SIGLEC14: variants seen among roughly 807,000 people sequenced by gnomAD.
SIGLEC14 encodes the protein sialic acid-binding Ig-like lectin 14.
Under a neutral mutation model 34.2 loss-of-function variants are expected in SIGLEC14, and 11 were observed. The ratio of observed to expected loss-of-function variants is 0.32; its 90% confidence interval spans 0.20 to 0.53. The LOEUF is 0.53. Among genes scored for constraint, SIGLEC14 ranks in the 20% least tolerant of loss-of-function variants. SIGLEC14 has a pLI of 0.95. For synonymous variants in SIGLEC14, 99 were observed against 179.7 expected, an observed-to-expected ratio of 0.55 and a Z score of 3.59; for missense variants, 264 against 439.0, an observed-to-expected ratio of 0.60 and a Z score of 3.56.
chr19:51,640,911 G>T lies in SIGLEC14; in HGVS notation c.*2444C>A, dbSNP rs1457988168. On this transcript the variant is annotated 3_prime_UTR_variant, in exon 7 of 7. Coordinates refer to ENST00000360844, the MANE Select transcript of SIGLEC14 (RefSeq NM_001098612.3). ...AATCACTTGTACCTGGGAGGCGGAG[G>T]TTGCAGTGAGCCAAGATCGCGCCAT... Among the ~76,000 whole-genome samples the T allele has an allele frequency of 7.2e-6, 1 of 138,810 alleles. No individual in the cohort carries two copies. Among genetic ancestry groups the T allele is most frequent in the African/African-American group, 2.7e-5 (1 of 36,442 alleles). 91.1% of individuals were successfully genotyped at this position (138,810 alleles called of 152,430 possible).
rs1270975213 is a variant in SIGLEC14 at position 51,643,550 on chromosome 19, T to G, written c.1135A>C (p.Ile379Leu). 4 of 1,522,260 alleles carry G rather than the reference T, an allele frequency of 2.6e-6. 1 individual carries two copies. The highest frequency in any genetic ancestry group is 3.5e-6 in the Non-Finnish European group (4 of 1,137,100). The allele number at this position is 1,522,260 out of a possible 1,614,324, so 94.3% of individuals were successfully genotyped here. A position where few individuals can be genotyped will look rare whatever the true frequency, so the allele number is the denominator to read the frequency against. The change falls in exon 6 of 7, where the codon ATC becomes CTC. Residue 379 changes from isoleucine (I) to leucine (L), a missense_variant. Physicochemically the swap from Ile to Leu is conservative, Grantham distance 5. Coordinates refer to ENST00000360844, the MANE Select transcript of SIGLEC14 (RefSeq NM_001098612.3). ...GFLLTYGLTW[I>L]YYTRCGGPQQ... ...AGTCCGGCTCACCTGGTATAGTAGA[T>G]CCAGGTGAGGCCATAGGTGAGGAGG...
Position 51,645,495 on chromosome 19 carries a change from T to G in SIGLEC14, c.736A>C (p.Arg246=). The G allele has an allele frequency of 2.0e-6, 3 of 1,532,094 alleles. No homozygotes were observed. The highest frequency in any genetic ancestry group is 2.6e-6 in the Non-Finnish European group (3 of 1,140,910). The allele number at this position is 1,532,094 out of a possible 1,614,324, so 94.9% of individuals were successfully genotyped here. Residue 246 remains arginine (R), a synonymous_variant, in exon 4 of 7, where the codon AGA becomes CGA. Coordinates refer to ENST00000360844, the MANE Select transcript of SIGLEC14 (RefSeq NM_001098612.3). ...PQNLAISIFF[R]NGTGTALRIL... The stretch of plus-strand genomic sequence containing the variant: ...TTCCTACCTGTGCCTGTGCCATTTC[T>G]GAAGAAGATGCTGATGGCGAGGTTC...
rs1287769678 is a variant in SIGLEC14 at position 51,644,895 on chromosome 19, GT to G, written c.754+581del. Among the ~76,000 whole-genome samples, 2 of 137,366 alleles carry G rather than the reference GT, an allele frequency of 1.5e-5. 1 individual carries two copies. The highest frequency in any genetic ancestry group is 5.6e-5 in the African/African-American group (2 of 35,874). 90.1% of individuals were successfully genotyped at this position (137,366 alleles called of 152,430 possible). A position where few individuals can be genotyped will look rare whatever the true frequency, so the allele number is the denominator to read the frequency against. ...CAGGAATGTGGAGGGGAAGAACTGG[GT>G]TCTGGGACAGAGCTGTGGGAGGTGG... On this transcript the variant is annotated intron_variant, in intron 4 of 6. Coordinates refer to ENST00000360844, the MANE Select transcript of SIGLEC14 (RefSeq NM_001098612.3).
Position 51,643,127 on chromosome 19 carries a change from G to C in SIGLEC14, c.*228C>G, listed in dbSNP as rs56384907. The C allele has an allele frequency of 0.016, 7,737 of 481,734 alleles. 1,569 individuals are homozygous for C. The East Asian group carries it at 0.33, about 20-fold the overall frequency. The allele number at this position is 481,734 out of a possible 1,614,324, so 29.8% of individuals were successfully genotyped here. A position where few individuals can be genotyped will look rare whatever the true frequency, so the allele number is the denominator to read the frequency against. On this transcript the variant is annotated 3_prime_UTR_variant, in exon 7 of 7. Coordinates refer to ENST00000360844, the MANE Select transcript of SIGLEC14 (RefSeq NM_001098612.3). Reference sequence around the variant, plus strand: ...CAGGGCTGGAGATGGTGGATGGAGAGGGAAGAGAAGGGCAGGTGGAGAGGG... The same window carrying C: ...CAGGGCTGGAGATGGTGGATGGAGACGGAAGAGAAGGGCAGGTGGAGAGGG...
Position 51,643,649 on chromosome 19 carries a change from C to T in SIGLEC14, c.1036G>A (p.Val346Ile), listed in dbSNP as rs776801248. The T allele has an allele frequency of 6.5e-7, 1 of 1,531,766 alleles. No homozygotes were observed. The highest frequency in any genetic ancestry group is 8.8e-7 in the Non-Finnish European group (1 of 1,140,944). The allele number at this position is 1,531,766 out of a possible 1,614,324, so 94.9% of individuals were successfully genotyped here. Reference sequence around the variant, plus strand: ...CAGGAGCCCTGCTGTTTCTCAGTTACACATATGCAGGAAGAGGAGCTTCCT... The same window carrying T: ...CAGGAGCCCTGCTGTTTCTCAGTTATACATATGCAGGAAGAGGAGCTTCCT... ...VQRSSSSCIC[V>I]TEKQQGSWPL... The change falls in exon 6 of 7, where the codon GTA (valine) becomes ATA (isoleucine). Residue 346 changes from valine to isoleucine, a missense_variant. Coordinates refer to ENST00000360844, the MANE Select transcript of SIGLEC14 (RefSeq NM_001098612.3).
At position 51,643,091 on chromosome 19, in the gene SIGLEC14, C is replaced by A; in HGVS notation, c.*264G>T. On this transcript the variant is annotated 3_prime_UTR_variant, in exon 7 of 7. Coordinates refer to ENST00000360844, the MANE Select transcript of SIGLEC14 (RefSeq NM_001098612.3). ...TAATGGGGGTATAAGACCGAAAGTA[C>A]ATTCCCTTCACAGGGCTGGAGATGG... 8.9e-6 allele frequency: 3 copies of A among 335,406 alleles called. No individual in the cohort carries two copies. Among genetic ancestry groups the A allele is most frequent in the East Asian group, 1.6e-4 (1 of 6,106 alleles). The allele number at this position is 335,406 out of a possible 1,614,324, so 20.8% of individuals were successfully genotyped here. A position where few individuals can be genotyped will look rare whatever the true frequency, so the allele number is the denominator to read the frequency against.
At position 51,641,704 on chromosome 19, in the gene SIGLEC14, T is replaced by C. The variant is rs1033775300; in HGVS notation, c.*1651A>G. ...ACTATCACAAGAAGAGAAAACCAAATACCACATGTTCTCACTTGTAAGTGG... is the reference window on the plus strand; with the variant it reads ...ACTATCACAAGAAGAGAAAACCAAACACCACATGTTCTCACTTGTAAGTGG... On this transcript the variant is annotated 3_prime_UTR_variant, in exon 7 of 7. Transcript: ENST00000360844. Among the ~76,000 whole-genome samples the C allele has an allele frequency of 7.2e-6, 1 of 139,032 alleles. No individual in the cohort carries two copies. The highest frequency in any genetic ancestry group is 1.5e-5 in the Non-Finnish European group (1 of 64,984). The allele number at this position is 139,032 out of a possible 152,430, so 91.2% of individuals were successfully genotyped here. A position where few individuals can be genotyped will look rare whatever the true frequency, so the allele number is the denominator to read the frequency against.
rs772816236 is a variant in SIGLEC14, at chr19:51,646,323, G to A, written c.355C>T (p.Arg119Cys). Residue 119 changes from arginine (R) to cysteine (C), a missense_variant, in exon 2 of 7, where the codon CGC becomes TGC. By Grantham distance (180) the Arg-to-Cys change is radical. Coordinates refer to ENST00000360844, the MANE Select transcript of SIGLEC14 (RefSeq NM_001098612.3). Reference protein sequence around the residue: ...RMEDTGSYFFRVERGRDVKYS... With the variant: ...RMEDTGSYFFCVERGRDVKYS... ...TTTACATCCCTTCCTCTCTCCACGC[G>A]GAAGAAATAGCTTCCCGTGTCCTCC... The A allele has an allele frequency of 3.9e-6, 5 of 1,285,980 alleles. 2 individuals are homozygous for A. Among genetic ancestry groups the A allele is most frequent in the East Asian group, 7.2e-5 (2 of 27,794 alleles). 79.7% of individuals were successfully genotyped at this position (1,285,980 alleles called of 1,614,324 possible). A position where few individuals can be genotyped will look rare whatever the true frequency, so the allele number is the denominator to read the frequency against.
At chr19:51,644,239 G>C (rs1372895638) in intron 4 of SIGLEC14, among the ~76,000 whole-genome samples, 4 of 138,224 alleles carry the variant, frequency 2.9e-5, no homozygotes, top group Admixed American at 7.0e-5. Context: ...CAGATGAGGA[G>C]GAGTTCTCAC....
intron 6 of SIGLEC14, 58 bp from the exon 7 acceptor site, chr19:51,643,455 TGGGGCTGAGCTGTCCTGGGGCA>T: frequency 7.7e-7 from 1 of 1,294,480 alleles, no homozygotes. Context: ...TAATTCCAGG[TGGGGCTGAGCTGTCCTGGGGCA>T]GGACAGCTCA....
chr19:51,645,613 C>T (rs1392075603), intron 3 of SIGLEC14, 83 bp from the exon 4 acceptor site: 1 of 1,464,644 alleles, frequency 6.8e-7, no homozygotes. Context: ...GGAGGGGCCA[C>T]AGAAACCCAC....
Position 51,640,109 on chromosome 19 carries a change from C to T in SIGLEC14, c.*3246G>A, listed in dbSNP as rs564489648. Among the ~76,000 whole-genome samples, 7 of 138,962 alleles carry T rather than the reference C, an allele frequency of 5.0e-5. No individual in the cohort carries two copies. Among genetic ancestry groups the T allele is most frequent in the South Asian group, 4.8e-4 (2 of 4,140 alleles). The allele number at this position is 138,962 out of a possible 152,430, so 91.2% of individuals were successfully genotyped here. A position where few individuals can be genotyped will look rare whatever the true frequency, so the allele number is the denominator to read the frequency against. On this transcript the variant is annotated 3_prime_UTR_variant, in exon 7 of 7. Coordinates refer to ENST00000360844, the MANE Select transcript of SIGLEC14 (RefSeq NM_001098612.3). ...CATTTTGGAAAATTATCCTTCAAAA[C>T]GAAAGAGAAGGAGTCGTGCTTTTAT... is the stretch of plus-strand genomic sequence containing the variant.
At chr19:51,643,494 C>T (rs755696754) in intron 6 of SIGLEC14, 43 bp downstream of exon 6, 6 of 1,448,346 alleles carry the variant, frequency 4.1e-6, no homozygotes, top group Non-Finnish European at 3.6e-6. Context: ...CTCAGCCCCA[C>T]CTGGAACTCA....
chr19:51,645,484 T>C lies in SIGLEC14; in HGVS notation c.747A>G (p.Thr249=), dbSNP rs1293703230. ...LAISIFFRNG[T]GTALRILSNG... ...GAAGAGGGTCTTTCCTACCTGTGCC[T>C]GTGCCATTTCTGAAGAAGATGCTGA... The change falls in exon 4 of 7, where the codon ACA becomes ACG. Residue 249 remains threonine (T), a synonymous_variant. Coordinates refer to ENST00000360844, the MANE Select transcript of SIGLEC14 (RefSeq NM_001098612.3). The C allele has an allele frequency of 2.6e-6, 4 of 1,530,874 alleles. No homozygotes were observed. Among genetic ancestry groups the C allele is most frequent in the Non-Finnish European group, 2.6e-6 (3 of 1,140,230 alleles). The allele number at this position is 1,530,874 out of a possible 1,614,324, so 94.8% of individuals were successfully genotyped here. A position where few individuals can be genotyped will look rare whatever the true frequency, so the allele number is the denominator to read the frequency against.
intron 4 of SIGLEC14, 68 bp downstream of exon 4, chr19:51,645,409 C>A: frequency 7.2e-7 from 1 of 1,389,392 alleles, no homozygotes; most frequent in Non-Finnish European, 9.8e-7. Flanking sequence ...GTCTCCTCTC[C>A]CAATGCTGAA....
At chr19:51,643,455 T>TGGG in intron 6 of SIGLEC14, 58 bp from the exon 7 acceptor site, 1 of 1,294,476 alleles carries the variant, frequency 7.7e-7, no homozygotes, top group Non-Finnish European at 1.0e-6. Context: ...TAATTCCAGG[T>TGGG]GGGGCTGAGC....
intron 6 of SIGLEC14, 50 bp downstream of exon 6, chr19:51,643,487 A>G: frequency 7.7e-7 from 1 of 1,299,168 alleles, no homozygotes; most frequent in Non-Finnish European, 1.0e-6. Context: ...AGGACAGCTC[A>G]GCCCCACCTG....
At chr19:51,644,773 G>A (rs1433818595) in intron 4 of SIGLEC14, among the ~76,000 whole-genome samples, 2 of 138,286 alleles carry the variant, frequency 1.4e-5, no homozygotes, top group African/African-American at 5.5e-5. Context: ...AGCATCCGAG[G>A]GAGGTGGCTA....
Position 51,644,016 on chromosome 19 carries a change from C to T in SIGLEC14, c.775G>A (p.Gly259Ser), listed in dbSNP as rs1983974623. ...TGTALRILSN[G>S]MSVPIQEGQS... ...CCCTCCTGGATGGGCACCGACATGC[C>T]ATTGCTCAGGATCCGCAGGGCTGGG... The change falls in exon 5 of 7, where the codon GGC becomes AGC. Residue 259 changes from glycine (G) to serine (S), a missense_variant. Around this residue, in one of 5 missense-constraint regions of SIGLEC14, gnomAD observed 149 missense variants for 184.4 expected, o/e 0.81. Transcript: ENST00000360844. The T allele has an allele frequency of 3.9e-6, 6 of 1,520,300 alleles. 1 individual carries two copies. The highest frequency in any genetic ancestry group is 5.3e-6 in the Non-Finnish European group (6 of 1,134,284). The allele number at this position is 1,520,300 out of a possible 1,614,324, so 94.2% of individuals were successfully genotyped here.
Sources: gnomAD v4.1 joint callset for allele counts (sites outside exome capture counted in the v4.1 genomes callset) on GRCh38, gnomAD v4.1.1 for gene constraint, gnomAD v4.1.1 regional missense constraint, MANE v1.5 for transcripts, NCBI Gene and HGNC (gene_info 2026-07-23, HGNC 2026-07-21) for gene names.